SULT1A1: variants seen among roughly 807,000 people sequenced by gnomAD.
SULT1A1 encodes the protein sulfotransferase 1A1.
A neutral mutation model predicts 36.8 loss-of-function variants in SULT1A1; 35 were observed. The observed-to-expected ratio is 0.95, with a 90% CI of 0.73 to 1.26. SULT1A1 has a LOEUF of 1.26. SULT1A1 is among the 50% of genes most tolerant of loss of function. The pLI, the probability that SULT1A1 is intolerant of heterozygous loss-of-function variation, is 0.00. For missense variants in SULT1A1, 309 were observed against 383.0 expected (o/e 0.81, Z 1.61); for synonymous variants, 119 against 146.0 (o/e 0.82, Z 1.33).
At chr16:28,611,443 A>C (rs568805896), upstream of SULT1A1, 38 of 152,296 alleles carry the variant, frequency 2.5e-4, no homozygotes, top group African/African-American at 8.4e-4. Context: ...CCGTACACCC[A>C]CCAGTGCCAA....
intron 2 of SULT1A1, among the ~76,000 whole-genome samples, chr16:28,618,121 C>G (rs370576288): frequency 3.1e-4 from 46 of 150,706 alleles, no homozygotes; most frequent in East Asian, 1.6e-3. Flanking sequence ...CTTATTGCAG[C>G]CTTGACCTCC....
intron 1 of SULT1A1, 29 bp downstream of exon 1, chr16:28,609,902 G>T: frequency 7.8e-7 from 1 of 1,275,824 alleles, no homozygotes; most frequent in Non-Finnish European, 1.0e-6. Context: ...GGGTGAGGGC[G>T]CCCTGGGCCG....
intron 6 of SULT1A1, 40 bp from the exon 7 acceptor site, chr16:28,606,276 T>A (rs554866256): frequency 1.2e-6 from 2 of 1,611,482 alleles, no homozygotes; most frequent in Admixed American, 3.3e-5. Flanking sequence ...CTCGGATTAC[T>A]GATTCAGGAA....
upstream of SULT1A1, chr16:28,610,234 T>C (rs749159156): frequency 1.7e-5 from 19 of 1,109,786 alleles, 1 homozygote; most frequent in South Asian, 2.2e-4. Flanking sequence ...GGCCCAATGG[T>C]GGGTTTGTTT....
rs1326057255 is a variant in SULT1A1, at chr16:28,605,696, C to T, written c.*125G>A. 1 of 1,505,774 alleles carries T rather than the reference C, an allele frequency of 6.6e-7. No homozygotes were observed. The highest frequency in any genetic ancestry group is 2.4e-5 in the East Asian group (1 of 41,978). 93.3% of individuals were successfully genotyped at this position (1,505,774 alleles called of 1,614,324 possible). A position where few individuals can be genotyped will look rare whatever the true frequency, so the allele number is the denominator to read the frequency against. The stretch of plus-strand genomic sequence containing the variant: ...GGCTCAAATGATCCTCCCACCTCAG[C>T]CTCCAAATTGCTGGGATTACAGACA... On this transcript the variant is annotated 3_prime_UTR_variant, in exon 8 of 8. Coordinates refer to ENST00000314752, the MANE Select transcript of SULT1A1 (RefSeq NM_001055.4).
chr16:28,618,042 CT>C (rs11357624), intron 2 of SULT1A1, among the ~76,000 whole-genome samples: 129 of 139,412 alleles, frequency 9.3e-4, no homozygotes, highest in Admixed American at 1.1e-3. Flanking sequence ...ACTTCCTGCT[CT>C]TTTTTTTTTT....
At chr16:28,623,226 C>G (rs1450298618) in exon 1 of SULT1A1, 1 of 1,545,064 alleles carries the variant, frequency 6.5e-7, no homozygotes, top group African/African-American at 1.4e-5. Flanking sequence ...CGGGAGCGCG[C>G]GCTCCAGCAG....
intron 1 of SULT1A1, chr16:28,609,264 C>A (rs2047354160): frequency 2.4e-6 from 3 of 1,245,244 alleles, no homozygotes; most frequent in South Asian, 1.4e-5. Flanking sequence ...CCTGCTGGGA[C>A]CCCCAGCCTC....
Position 28,605,785 on chromosome 16 carries a change from C to T in SULT1A1, c.*36G>A, listed in dbSNP as rs771648720. On this transcript the variant is annotated 3_prime_UTR_variant, in exon 8 of 8. Coordinates refer to ENST00000314752, the MANE Select transcript of SULT1A1 (RefSeq NM_001055.4). ...TTGAGCCGCTTGGTCAGGTTTGATT[C>T]GCACACTCCCTCTGCAGTGACTCCA... The T allele has an allele frequency of 2.4e-5, 39 of 1,609,928 alleles. No individual in the cohort carries two copies. In the African/African-American group the frequency reaches 2.5e-4, roughly 10 times the overall value.
intron 4 of SULT1A1, chr16:28,607,988 T>A (rs2925631): frequency 4.3e-3 from 805 of 185,588 alleles, no homozygotes; most frequent in Non-Finnish European, 6.5e-3. Flanking sequence ...ATTTATATAT[T>A]TATTTATTTA....
chr16:28,607,083 G>A lies in SULT1A1; in HGVS notation c.373-6C>T, dbSNP rs766759792. The A allele has an allele frequency of 1.2e-6, 2 of 1,612,174 alleles. No homozygotes were observed. Among genetic ancestry groups the A allele is most frequent in the Non-Finnish European group, 1.7e-6 (2 of 1,178,478 alleles). ...TTGCGGGCAACATAGACCACCTGCA[G>A]GGGCAGAAGACTCAACCCCAGCACC... On this transcript the variant is annotated splice_region_variant and splice_polypyrimidine_tract_variant and intron_variant, in intron 4 of 7. Coordinates refer to ENST00000314752, the MANE Select transcript of SULT1A1 (RefSeq NM_001055.4).
chr16:28,608,162 T>A, intron 4 of SULT1A1, 129 bp downstream of exon 4: 1 of 1,340,152 alleles, frequency 7.5e-7, no homozygotes, highest in Non-Finnish European at 1.0e-6. Flanking sequence ...TAATTTTGTA[T>A]TTTTAGTAGA....
At chr16:28,609,190 G>A (rs2047351165) in intron 1 of SULT1A1, 1 of 1,338,288 alleles carries the variant, frequency 7.5e-7, no homozygotes, top group African/African-American at 1.5e-5. Flanking sequence ...CAGCTGCACT[G>A]AGGAAGCTCT....
At chr16:28,617,989 C>A (rs1340467111) in intron 2 of SULT1A1, among the ~76,000 whole-genome samples, 4 of 151,388 alleles carry the variant, frequency 2.6e-5, no homozygotes, top group Non-Finnish European at 5.9e-5. Context: ...CGGTTTTGTT[C>A]ATTTACAAAT....
At chr16:28,618,757 C>T (rs188929754) in intron 2 of SULT1A1, among the ~76,000 whole-genome samples, 159 of 152,290 alleles carry the variant, frequency 1.0e-3, no homozygotes, top group Non-Finnish European at 1.6e-3. Flanking sequence ...ACTATCAATA[C>T]CTTTGTGATG....
chr16:28,605,933 C>T lies in SULT1A1; in HGVS notation c.776G>A (p.Gly259Asp). The T allele has an allele frequency of 6.2e-7, 1 of 1,604,846 alleles. No homozygotes were observed. Among genetic ancestry groups the T allele is most frequent in the Non-Finnish European group, 8.5e-7 (1 of 1,174,138 alleles). The change falls in exon 8 of 8, where the codon GGC (glycine) becomes GAC (aspartate). Residue 259 changes from glycine to aspartate, a missense_variant and splice_region_variant. By Grantham distance (94) the Gly-to-Asp change is moderately conservative. This residue lies in a region of SULT1A1 where 67 missense variants were observed against 122.0 expected (regional missense o/e 0.55). Transcript: ENST00000314752. The part of the protein sequence containing the change: ...DHSISPFMRK[G>D]MAGDWKTTFT... ...GGTGGTCTTCCAGTCCCCAGCCATG[C>T]CTGGGGGAGGAAGGCAGGGAGCAAA...
intron 2 of SULT1A1, among the ~76,000 whole-genome samples, chr16:28,617,863 A>T (rs184362453): frequency 1.1e-3 from 170 of 152,004 alleles, no homozygotes; most frequent in Non-Finnish European, 2.0e-3. Context: ...CTTCCCAAAA[A>T]ATCTCCAAAT....
chr16:28,605,875 C>T lies in SULT1A1; in HGVS notation c.834G>A (p.Ala278=), dbSNP rs373844412. The T allele has an allele frequency of 4.5e-5, 73 of 1,609,658 alleles. 1 individual carries two copies. Among genetic ancestry groups the T allele is most frequent in the African/African-American group, 1.2e-4 (9 of 74,900 alleles). Reference sequence around the variant, plus strand: ...AGCCTGCCATCTTCTCCGCATAGTCCGCATCGAAGCGCTCATTCTGCGCCA... The same window carrying T: ...AGCCTGCCATCTTCTCCGCATAGTCTGCATCGAAGCGCTCATTCTGCGCCA... The part of the protein sequence containing the change: ...FTVAQNERFD[A]DYAEKMAGCS... Residue 278 remains alanine (A), a synonymous_variant, in exon 8 of 8, where the codon GCG becomes GCA. Coordinates refer to ENST00000314752, the MANE Select transcript of SULT1A1 (RefSeq NM_001055.4).
At chr16:28,610,264 G>GTTTTTTTTTTTTT (rs538720119), upstream of SULT1A1, 171 of 349,448 alleles carry the variant, frequency 4.9e-4, no homozygotes, top group Middle Eastern at 2.3e-3. Flanking sequence ...TTTTTTTTCT[G>GTTTTTTTTTTTTT]TTTTTTTTTT....
Sources: allele counts gnomAD v4.1 joint callset (sites outside exome capture counted in the v4.1 genomes callset), GRCh38; gene constraint gnomAD v4.1.1; regional missense constraint gnomAD v4.1.1; transcripts MANE v1.5; gene names NCBI Gene and HGNC (gene_info 2026-07-23, HGNC 2026-07-21).